ST6GALNAC3: variants seen among roughly 807,000 people sequenced by gnomAD.
ST6GALNAC3 encodes alpha-N-acetylgalactosaminide alpha-2,6-sialyltransferase 3.
A neutral mutation model predicts 32.7 loss-of-function variants in ST6GALNAC3; 25 were observed. The ratio of observed to expected loss-of-function variants is 0.76; its 90% CI spans 0.56 to 1.07. The LOEUF is 1.07. Ranked by LOEUF, ST6GALNAC3 falls within the 50% of genes least tolerant of loss-of-function variation. The pLI is 0.00. For synonymous variants in ST6GALNAC3, 129 were observed against 133.1 expected, an observed-to-expected ratio of 0.97 and a Z score of 0.21; for missense variants, 355 against 382.4, an observed-to-expected ratio of 0.93 and a Z score of 0.60.
intron 3 of ST6GALNAC3, among the ~76,000 whole-genome samples, chr1:76,527,183 G>T (rs550022737): frequency 6.6e-6 from 1 of 151,950 alleles, no homozygotes; most frequent in Non-Finnish European, 1.5e-5. Context: ...CCCAGGTTTC[G>T]CGTTGGTGAC....
At chr1:76,326,475 G>A (rs1483593794) in intron 2 of ST6GALNAC3, among the ~76,000 whole-genome samples, 2 of 152,088 alleles carry the variant, frequency 1.3e-5, no homozygotes, top group African/African-American at 4.8e-5. Context: ...TCACCATTCT[G>A]GTGGAATATT....
At chr1:76,100,308 A>G (rs1647197422) in intron 1 of ST6GALNAC3, among the ~76,000 whole-genome samples, 1 of 152,136 alleles carries the variant, frequency 6.6e-6, no homozygotes, top group African/African-American at 2.4e-5. Flanking sequence ...TCAATATTTT[A>G]TCACTGTGTT....
intron 1 of ST6GALNAC3, among the ~76,000 whole-genome samples, chr1:76,244,571 A>T (rs1276081268): frequency 6.6e-5 from 10 of 152,124 alleles, no homozygotes; most frequent in Admixed American, 6.5e-4. Context: ...TCAGTATGAT[A>T]TTGGTTATGG....
intron 2 of ST6GALNAC3, among the ~76,000 whole-genome samples, chr1:76,352,365 T>C (rs1361802807): frequency 2.3e-5 from 1 of 43,248 alleles, no homozygotes; most frequent in African/African-American, 1.9e-4. Flanking sequence ...TATTTCCTCC[T>C]TTTTTTTTTT....
At chr1:76,347,288 T>A (rs1480116780) in intron 2 of ST6GALNAC3, among the ~76,000 whole-genome samples, 1 of 152,166 alleles carries the variant, frequency 6.6e-6, no homozygotes, top group Non-Finnish European at 1.5e-5. Flanking sequence ...TTTAGACTAT[T>A]AAGCAGTTTT....
chr1:76,211,320 A>G (rs1655145121), intron 1 of ST6GALNAC3, among the ~76,000 whole-genome samples: 2 of 152,310 alleles, frequency 1.3e-5, no homozygotes, highest in Admixed American at 1.3e-4. Flanking sequence ...AAATAGGAAT[A>G]CTTTTACACT....
intron 1 of ST6GALNAC3, among the ~76,000 whole-genome samples, chr1:76,097,210 C>T (rs561540166): frequency 1.3e-5 from 2 of 152,304 alleles, no homozygotes; most frequent in Non-Finnish European, 2.9e-5. Context: ...TGAACCACTG[C>T]GCCCAGCCAG....
intron 1 of ST6GALNAC3, among the ~76,000 whole-genome samples, chr1:76,278,757 T>C (rs1208113927): frequency 1.3e-5 from 2 of 152,128 alleles, no homozygotes; most frequent in African/African-American, 4.8e-5. Context: ...AGTTAGGTGT[T>C]ATTTGTCCTA....
intron 3 of ST6GALNAC3, among the ~76,000 whole-genome samples, chr1:76,487,820 CA>C (rs1159839667): frequency 6.6e-6 from 1 of 152,152 alleles, no homozygotes; most frequent in Non-Finnish European, 1.5e-5. Context: ...TCAGAATTTT[CA>C]GCTTTTCTGC....
intron 1 of ST6GALNAC3, among the ~76,000 whole-genome samples, chr1:76,193,289 CTT>C (rs1654008846): frequency 6.6e-6 from 1 of 152,000 alleles, no homozygotes; most frequent in Admixed American, 6.6e-5. Context: ...TAGAAAATGT[CTT>C]TATTTATTTA....
At chr1:76,444,440 G>A (rs76467176) in intron 3 of ST6GALNAC3, among the ~76,000 whole-genome samples, 1,906 of 152,250 alleles carry the variant, frequency 0.013, 35 homozygotes, top group African/African-American at 0.044. Context: ...CAACAGGCAA[G>A]TTCATGAAAC....
intron 1 of ST6GALNAC3, among the ~76,000 whole-genome samples, chr1:76,285,802 A>G (rs1424932636): frequency 6.6e-6 from 1 of 152,114 alleles, no homozygotes; most frequent in Non-Finnish European, 1.5e-5. Flanking sequence ...AGAAACAGAT[A>G]CAGGAAGATA....
intron 1 of ST6GALNAC3, among the ~76,000 whole-genome samples, chr1:76,140,488 T>G (rs1198282601): frequency 6.6e-6 from 1 of 152,146 alleles, no homozygotes; most frequent in African/African-American, 2.4e-5. Flanking sequence ...TTCCTCTTTG[T>G]GGACTCCTAT....
intron 3 of ST6GALNAC3, among the ~76,000 whole-genome samples, chr1:76,615,254 A>G (rs1648219990): frequency 1.3e-5 from 2 of 152,052 alleles, no homozygotes; most frequent in Admixed American, 1.3e-4. Flanking sequence ...GCTTTCACAA[A>G]ATGCCATGCC....
intron 3 of ST6GALNAC3, among the ~76,000 whole-genome samples, chr1:76,546,765 C>T (rs1367463893): frequency 6.6e-6 from 1 of 152,170 alleles, no homozygotes; most frequent in African/African-American, 2.4e-5. Flanking sequence ...AAGAGAAGTC[C>T]AGGTTGAGGC....
intron 3 of ST6GALNAC3, among the ~76,000 whole-genome samples, chr1:76,547,370 T>C (rs557313520): frequency 6.6e-6 from 1 of 152,200 alleles, no homozygotes; most frequent in Non-Finnish European, 1.5e-5. Flanking sequence ...CCTCTTCCCA[T>C]TCAGACAAAT....
intron 1 of ST6GALNAC3, among the ~76,000 whole-genome samples, chr1:76,291,610 TAAG>T (rs1482720856): frequency 6.6e-6 from 1 of 152,226 alleles, no homozygotes; most frequent in Non-Finnish European, 1.5e-5. Flanking sequence ...CGAAACAAAA[TAAG>T]TAGTAGCTCC....
intron 3 of ST6GALNAC3, among the ~76,000 whole-genome samples, chr1:76,518,465 T>G (rs1662307280): frequency 6.6e-6 from 1 of 152,148 alleles, no homozygotes; most frequent in African/African-American, 2.4e-5. Flanking sequence ...TCTTCTTCTT[T>G]TGTATTAAGC....
At chr1:76,281,554 T>C (rs147467434) in intron 1 of ST6GALNAC3, among the ~76,000 whole-genome samples, 4 of 152,268 alleles carry the variant, frequency 2.6e-5, no homozygotes, top group East Asian at 1.9e-4. Context: ...GGGACTCAAG[T>C]GGGGCCAAGA....
Sources: allele counts gnomAD v4.1 joint callset (sites outside exome capture counted in the v4.1 genomes callset), GRCh38; gene constraint gnomAD v4.1.1; transcripts MANE v1.5; gene names NCBI Gene and HGNC (gene_info 2026-07-23, HGNC 2026-07-21).